GPT2: variants seen among roughly 807,000 people sequenced by gnomAD.
The protein encoded by GPT2 is alanine aminotransferase 2.
A neutral mutation model predicts 56.9 loss-of-function variants in GPT2; 30 were observed. That is an observed-to-expected ratio of 0.53 (90% confidence interval 0.39 to 0.72). The LOEUF (loss-of-function observed/expected upper bound fraction) is 0.72, where lower values mean the gene tolerates loss of function less well. Among genes scored for constraint, GPT2 ranks in the 30% least tolerant of loss-of-function variants. The pLI, the probability that GPT2 is intolerant of heterozygous loss-of-function variation, is 0.00. For missense variants in GPT2, 542 were observed against 703.4 expected, an observed-to-expected ratio of 0.77 and a Z score of 2.60; for synonymous variants, 271 against 283.1, an observed-to-expected ratio of 0.96 and a Z score of 0.43.
intron 11 of GPT2, among the ~76,000 whole-genome samples, chr16:46,927,631 C>T (rs1961444743): frequency 6.6e-6 from 1 of 152,198 alleles, no homozygotes; most frequent in South Asian, 2.1e-4. Context: ...ACATGTTGCT[C>T]TCAGAGGTCT....
intron 11 of GPT2, among the ~76,000 whole-genome samples, chr16:46,928,119 G>A (rs1222499757): frequency 6.6e-6 from 1 of 152,096 alleles, no homozygotes; most frequent in Non-Finnish European, 1.5e-5. Context: ...GAGTCCAGGA[G>A]TTCAAGACCA....
At chr16:46,924,192 G>A (rs574434420) in intron 9 of GPT2, 197 bp from the exon 10 acceptor site, 11 of 667,686 alleles carry the variant, frequency 1.6e-5, no homozygotes, top group African/African-American at 3.5e-5. Context: ...CACCCACTCC[G>A]TCTGTGTGGT....
intron 8 of GPT2, among the ~76,000 whole-genome samples, chr16:46,920,830 T>C (rs1218031177): frequency 3.9e-5 from 6 of 152,164 alleles, no homozygotes; most frequent in African/African-American, 1.4e-4. Context: ...CTCGGTGAAC[T>C]CAGTTTTCAA....
chr16:46,929,078 C>G lies in GPT2; in HGVS notation c.*81C>G. The G allele has an allele frequency of 8.8e-7, 1 of 1,137,078 alleles. No individual in the cohort carries two copies. The highest frequency in any genetic ancestry group is 2.4e-5 in the East Asian group (1 of 42,274). The allele number at this position is 1,137,078 out of a possible 1,614,324, so 70.4% of individuals were successfully genotyped here. On this transcript the variant is annotated 3_prime_UTR_variant, in exon 12 of 12. Transcript: ENST00000340124. ...CAGGCTGAACTCGCCTCCCCCGTGACTCTGCCTCGGGCCTCGCAGAGGCCG... is the reference window on the plus strand; with the variant it reads ...CAGGCTGAACTCGCCTCCCCCGTGAGTCTGCCTCGGGCCTCGCAGAGGCCG...
chr16:46,924,924 C>CTT (rs369607178), intron 10 of GPT2, among the ~76,000 whole-genome samples: 1 of 146,584 alleles, frequency 6.8e-6, no homozygotes, highest in African/African-American at 2.5e-5. Context: ...CACCTAGGGC[C>CTT]TTTTTTTTTT....
chr16:46,894,787 T>A (rs1019596718), intron 2 of GPT2, among the ~76,000 whole-genome samples: 20 of 152,056 alleles, frequency 1.3e-4, no homozygotes, highest in Admixed American at 1.2e-3. Flanking sequence ...TGCCTCAGCG[T>A]CCCGAGTAGC....
intron 2 of GPT2, among the ~76,000 whole-genome samples, chr16:46,890,592 C>G (rs755893790): frequency 6.6e-6 from 1 of 152,168 alleles, no homozygotes; most frequent in African/African-American, 2.4e-5. Flanking sequence ...AAGGAAACAG[C>G]CTTGTGCCTG....
At chr16:46,906,212 A>G (rs942587150) in intron 4 of GPT2, among the ~76,000 whole-genome samples, 1 of 152,090 alleles carries the variant, frequency 6.6e-6, no homozygotes, top group African/African-American at 2.4e-5. Flanking sequence ...AGCTGGGACT[A>G]TAGGCGCATG....
chr16:46,910,834 A>G (rs1286334326), intron 6 of GPT2, among the ~76,000 whole-genome samples: 1 of 152,118 alleles, frequency 6.6e-6, no homozygotes, highest in African/African-American at 2.4e-5. Context: ...TCCTGGCCTC[A>G]AGTGATCCTC....
At chr16:46,893,293 G>T (rs1038341476) in intron 2 of GPT2, among the ~76,000 whole-genome samples, 3 of 152,092 alleles carry the variant, frequency 2.0e-5, no homozygotes, top group African/African-American at 7.2e-5. Context: ...ACCACGCCTG[G>T]CAAATTTTTT....
chr16:46,922,593 G>A (rs773107007), intron 9 of GPT2, among the ~76,000 whole-genome samples, 177 bp downstream of exon 9: 6 of 152,190 alleles, frequency 3.9e-5, no homozygotes, highest in Non-Finnish European at 8.8e-5. Context: ...GTCTGGAAGC[G>A]CAGCTGGGCA....
At chr16:46,894,901 G>A (rs1187019803) in intron 2 of GPT2, among the ~76,000 whole-genome samples, 1 of 152,068 alleles carries the variant, frequency 6.6e-6, no homozygotes, top group African/African-American at 2.4e-5. Flanking sequence ...TGCTGACCTC[G>A]TGATCCGCTC....
At chr16:46,913,462 A>T (rs1961082971) in intron 6 of GPT2, among the ~76,000 whole-genome samples, 1 of 152,214 alleles carries the variant, frequency 6.6e-6, no homozygotes, top group Non-Finnish European at 1.5e-5. Flanking sequence ...CTGGTTTCTT[A>T]TAGAAGCTGG....
intron 2 of GPT2, among the ~76,000 whole-genome samples, chr16:46,894,561 C>T (rs151219377): frequency 6.6e-6 from 1 of 152,314 alleles, no homozygotes; most frequent in East Asian, 1.9e-4. Flanking sequence ...GTGGGGGCTG[C>T]ACACCCCTGC....
rs1204989235 is a variant in GPT2, at chr16:46,916,658, A to G, written c.851A>G (p.Asp284Gly). Reference protein sequence around the residue: ...GQVQSRKCIEDVIHFAWEEKL... With the variant: ...GQVQSRKCIEGVIHFAWEEKL... ...GTACAAAGCAGAAAGTGCATAGAAG[A>G]TGTGATCCACTTTGCCTGGGAAGAG... Residue 284 changes from aspartate to glycine, a missense_variant, in exon 7 of 12, where the codon GAT (aspartate) becomes GGT (glycine). Coordinates refer to ENST00000340124, the MANE Select transcript of GPT2 (RefSeq NM_133443.4). 2.5e-6 allele frequency: 4 copies of G among 1,613,922 alleles called. No homozygotes were observed. The South Asian group carries it at 4.4e-5, about 18-fold the overall frequency.
intron 5 of GPT2, among the ~76,000 whole-genome samples, chr16:46,908,355 C>T (rs1209702553): frequency 1.4e-5 from 2 of 148,034 alleles, no homozygotes; most frequent in African/African-American, 5.0e-5. Flanking sequence ...CAGTCCTGGG[C>T]TTGGGGGACT....
intron 10 of GPT2, 127 bp downstream of exon 10, chr16:46,924,671 G>A (rs1961367138): frequency 1.1e-6 from 1 of 936,888 alleles, no homozygotes; most frequent in Admixed American, 2.2e-5. Flanking sequence ...TGCACCTCTC[G>A]GCCAGAGGGT....
intron 6 of GPT2, chr16:46,915,978 A>T (rs565552551): frequency 6.6e-6 from 1 of 150,580 alleles, no homozygotes; most frequent in South Asian, 2.1e-4. Flanking sequence ...ACACATGCAC[A>T]TGTGAGTGTA....
At chr16:46,885,359 G>T in intron 2 of GPT2, 1 of 744,112 alleles carries the variant, frequency 1.3e-6, no homozygotes, top group Non-Finnish European at 1.6e-6. Flanking sequence ...TGGGATGGGG[G>T]CGGTGGGAGG....
Sources: gnomAD v4.1 joint callset for allele counts (sites outside exome capture counted in the v4.1 genomes callset) on GRCh38, gnomAD v4.1.1 for gene constraint, MANE v1.5 for transcripts, NCBI Gene and HGNC (gene_info 2026-07-23, HGNC 2026-07-21) for gene names.